Variants in LARP4B observed in about 807,000 individuals in gnomAD.
LARP4B encodes la-related protein 4B.
In LARP4B, 12 loss-of-function variants were observed where a neutral mutation model predicts 89.8. The observed-to-expected ratio is 0.13, with a 90% CI of 0.09 to 0.22. The LOEUF is 0.22. Ranked by LOEUF, LARP4B falls within the 10% of genes least tolerant of loss-of-function variation. LARP4B has a pLI of 1.00. For missense variants in LARP4B, 757 were observed against 947.7 expected, an observed-to-expected ratio of 0.80 and a Z score of 2.64; for synonymous variants, 367 against 363.3, an observed-to-expected ratio of 1.01 and a Z score of -0.12.
At chr10:887,291 T>C (rs1835886207) in intron 1 of LARP4B, among the ~76,000 whole-genome samples, 1 of 152,108 alleles carries the variant, frequency 6.6e-6, no homozygotes, top group Admixed American at 6.6e-5. Context: ...TTAGGTGCTC[T>C]TACTAACACA....
intron 1 of LARP4B, among the ~76,000 whole-genome samples, chr10:898,804 A>C (rs988078769): frequency 6.6e-6 from 1 of 152,252 alleles, no homozygotes; most frequent in African/African-American, 2.4e-5. Flanking sequence ...TATTTAGCAC[A>C]GCAGGAAATT....
At chr10:983,628 TA>T in the LARP4B span, among the ~76,000 whole-genome samples, 2 of 152,092 alleles carry the variant, frequency 1.3e-5, no homozygotes, top group South Asian at 2.1e-4. Flanking sequence ...TCTTTTCTCA[TA>T]AGTGTGCTAA....
chr10:930,998 C>A (rs1373867903), intron 1 of LARP4B, among the ~76,000 whole-genome samples: 3 of 150,574 alleles, frequency 2.0e-5, no homozygotes, highest in African/African-American at 7.3e-5. Context: ...GACCCCCGTC[C>A]TCGCCGGCCT....
intron 1 of LARP4B, among the ~76,000 whole-genome samples, chr10:898,966 C>T (rs193088507): frequency 1.3e-3 from 201 of 152,284 alleles, no homozygotes; most frequent in African/African-American, 4.6e-3. Context: ...AATGTCACAT[C>T]GTAACATGAC....
At chr10:904,905 CCACA>C (rs1836447415) in intron 1 of LARP4B, among the ~76,000 whole-genome samples, 1 of 152,218 alleles carries the variant, frequency 6.6e-6, no homozygotes, top group Non-Finnish European at 1.5e-5. Flanking sequence ...ACCAGACTGT[CCACA>C]TGGGTGGCTG....
At chr10:821,392 C>T (rs187655574) in intron 13 of LARP4B, among the ~76,000 whole-genome samples, 1 of 152,314 alleles carries the variant, frequency 6.6e-6, no homozygotes, top group East Asian at 1.9e-4. Context: ...TTCCTGCCCT[C>T]GCCTCCCAGC....
chr10:930,879 C>A (rs1472130592), intron 1 of LARP4B, among the ~76,000 whole-genome samples: 1 of 151,746 alleles, frequency 6.6e-6, no homozygotes, highest in Admixed American at 6.6e-5. Flanking sequence ...CGGGCTCCGG[C>A]GGGACCGAGG....
At chr10:929,040 C>A (rs1837227641) in intron 1 of LARP4B, among the ~76,000 whole-genome samples, 1 of 152,096 alleles carries the variant, frequency 6.6e-6, no homozygotes, top group Admixed American at 6.5e-5. Flanking sequence ...AACATTAAAC[C>A]AAATTACATT....
At position 825,773 on chromosome 10, in the gene LARP4B, G is replaced by A. The variant is rs1463555551; in HGVS notation, c.1223C>T (p.Pro408Leu). ...SPLTSLRQYPPRSRNPSKSHL... is the reference protein window; with the variant it reads ...SPLTSLRQYPLRSRNPSKSHL... ...CCGCCCCGGAACTTGCCTGCTTCGA[G>A]GAGGATACTGTCTGAGAGAAGTCAG... The change falls in exon 12 of 18, where the codon CCT (proline) becomes CTT (leucine). Residue 408 changes from proline (P) to leucine (L), a missense_variant. Coordinates refer to ENST00000316157, the MANE Select transcript of LARP4B (RefSeq NM_015155.3). The A allele has an allele frequency of 6.2e-7, 1 of 1,613,060 alleles. No homozygotes were observed. The highest frequency in any genetic ancestry group is 8.5e-7 in the Non-Finnish European group (1 of 1,179,164).
chr10:893,080 CT>C (rs578053984), intron 1 of LARP4B, among the ~76,000 whole-genome samples: 27 of 137,584 alleles, frequency 2.0e-4, no homozygotes, highest in East Asian at 6.4e-4. Context: ...CCTTTTTTTT[CT>C]TTTTTTTTTC....
chr10:877,840 T>C (rs1322703112), intron 3 of LARP4B, among the ~76,000 whole-genome samples: 3 of 152,098 alleles, frequency 2.0e-5, no homozygotes, highest in African/African-American at 7.2e-5. Context: ...AAACCCCAGA[T>C]TTGATGGAGC....
the LARP4B span, among the ~76,000 whole-genome samples, chr10:982,266 A>G: frequency 6.6e-6 from 1 of 151,536 alleles, no homozygotes. Flanking sequence ...TAGGTTTTGT[A>G]TTTTTAGTAG....
chr10:866,789 A>G (rs760269508), intron 3 of LARP4B, among the ~76,000 whole-genome samples: 2 of 152,204 alleles, frequency 1.3e-5, no homozygotes, highest in Non-Finnish European at 2.9e-5. Context: ...TACCTTTTGC[A>G]GTTGACTGTC....
At chr10:854,432 C>G (rs1384802365) in intron 5 of LARP4B, among the ~76,000 whole-genome samples, 1 of 152,166 alleles carries the variant, frequency 6.6e-6, no homozygotes, top group Non-Finnish European at 1.5e-5. Context: ...TTTGAAAACA[C>G]AATGACTCCT....
At chr10:930,518 C>A (rs1359234967) in intron 1 of LARP4B, among the ~76,000 whole-genome samples, 1 of 152,068 alleles carries the variant, frequency 6.6e-6, no homozygotes, top group Non-Finnish European at 1.5e-5. Context: ...GAACGTTTTA[C>A]GTAAAAATAA....
chr10:943,775 C>T, the LARP4B span, among the ~76,000 whole-genome samples: 46 of 151,062 alleles, frequency 3.0e-4, 1 homozygote, highest in Non-Finnish European at 7.4e-5. Flanking sequence ...CAGGAGGGCC[C>T]GGGTCGGGAG....
intron 13 of LARP4B, among the ~76,000 whole-genome samples, chr10:823,666 T>A (rs1009034597): frequency 1.3e-5 from 2 of 151,708 alleles, no homozygotes; most frequent in Non-Finnish European, 2.9e-5. Flanking sequence ...GGGAGCCACA[T>A]GGCCTTGATG....
chr10:881,722 T>C (rs1225993962), intron 3 of LARP4B, among the ~76,000 whole-genome samples: 2 of 152,212 alleles, frequency 1.3e-5, no homozygotes, highest in Non-Finnish European at 2.9e-5. Flanking sequence ...AGGGGCAAGA[T>C]AAAGAGTGCT....
chr10:949,147 T>C, the LARP4B span, among the ~76,000 whole-genome samples: 4 of 151,452 alleles, frequency 2.6e-5, no homozygotes, highest in Admixed American at 2.6e-4. Context: ...TCCAACCCAT[T>C]TCCCAGGCGG....
Sources: gnomAD v4.1 joint callset for allele counts (sites outside exome capture counted in the v4.1 genomes callset) on GRCh38, gnomAD v4.1.1 for gene constraint, MANE v1.5 for transcripts, NCBI Gene and HGNC (gene_info 2026-07-23, HGNC 2026-07-21) for gene names.